The following PPP1R16B variants were observed in gnomAD, a reference collection of about 807,000 sequenced individuals.
PPP1R16B encodes the protein protein phosphatase 1 regulatory subunit 16B.
A neutral mutation model predicts 61.7 loss-of-function variants in PPP1R16B; 14 were observed. The ratio of observed to expected loss-of-function variants is 0.23; its 90% CI spans 0.15 to 0.35. The LOEUF is 0.35. Among genes scored for constraint, PPP1R16B ranks in the 10% least tolerant of loss-of-function variants. The pLI, the probability that PPP1R16B is intolerant of heterozygous loss-of-function variation, is 1.00. For missense variants in PPP1R16B, 547 were observed against 752.5 expected (o/e 0.73, Z 3.19); for synonymous variants, 266 against 305.3 (o/e 0.87, Z 1.34).
At chr20:38,915,910 G>C (rs1365283302) in intron 10 of PPP1R16B, among the ~76,000 whole-genome samples, 2 of 151,562 alleles carry the variant, frequency 1.3e-5, no homozygotes, top group African/African-American at 2.4e-5. Context: ...CAAATTGCAG[G>C]CCCCAACCCA....
At chr20:38,840,029 T>C (rs2084899703) in intron 2 of PPP1R16B, among the ~76,000 whole-genome samples, 1 of 152,242 alleles carries the variant, frequency 6.6e-6, no homozygotes, top group South Asian at 2.1e-4. Context: ...GGGGCCAGAA[T>C]ACTGTGCTCT....
At chr20:38,901,651 C>G in intron 5 of PPP1R16B, among the ~76,000 whole-genome samples, 1 of 152,208 alleles carries the variant, frequency 6.6e-6, no homozygotes, top group East Asian at 1.9e-4. Context: ...CTCAGGTGAT[C>G]TGCCTGCCTC....
chr20:38,905,951 T>C lies in PPP1R16B; in HGVS notation c.697-18T>C, dbSNP rs371749480. 2.5e-6 allele frequency: 4 copies of C among 1,610,478 alleles called. No individual in the cohort carries two copies. Among genetic ancestry groups the C allele is most frequent in the Non-Finnish European group, 2.5e-6 (3 of 1,178,568 alleles). The stretch of plus-strand genomic sequence containing the variant: ...GGCTGATCCCCTGAGGAATGCTCAC[T>C]TCTTTCCTCTCCTCCAGCTGCACAT... On this transcript the variant is annotated intron_variant, in intron 6 of 10. Transcript: ENST00000299824.
intron 1 of PPP1R16B, among the ~76,000 whole-genome samples, chr20:38,829,999 C>T (rs2084827333): frequency 1.3e-5 from 2 of 152,238 alleles, no homozygotes; most frequent in Admixed American, 6.5e-5. Context: ...ACATTGTTCT[C>T]ACCTTTCTCC....
intron 3 of PPP1R16B, among the ~76,000 whole-genome samples, chr20:38,895,164 A>C (rs2085324820): frequency 6.6e-6 from 1 of 152,184 alleles, no homozygotes; most frequent in Non-Finnish European, 1.5e-5. Flanking sequence ...ATCCTGTTTG[A>C]ATTTACTGGT....
At chr20:38,849,534 T>C (rs958606756) in intron 2 of PPP1R16B, among the ~76,000 whole-genome samples, 2 of 152,198 alleles carry the variant, frequency 1.3e-5, no homozygotes, top group Non-Finnish European at 2.9e-5. Flanking sequence ...TGCTTTTGCC[T>C]GTTAGTATGA....
At chr20:38,826,719 G>A (rs2084807432) in intron 1 of PPP1R16B, among the ~76,000 whole-genome samples, 1 of 152,166 alleles carries the variant, frequency 6.6e-6, no homozygotes, top group Non-Finnish European at 1.5e-5. Context: ...GTCCCAATAC[G>A]ATGCCAGCCC....
At chr20:38,823,780 C>T (rs1030743346) in intron 1 of PPP1R16B, among the ~76,000 whole-genome samples, 2 of 152,160 alleles carry the variant, frequency 1.3e-5, no homozygotes, top group African/African-American at 2.4e-5. Context: ...CTGCCCAAGG[C>T]TCCAAAAGTG....
Position 38,908,076 on chromosome 20 carries a change from G to C in PPP1R16B, c.1077G>C (p.Arg359Ser). The C allele has an allele frequency of 6.2e-7, 1 of 1,614,248 alleles. No homozygotes were observed. The highest frequency in any genetic ancestry group is 8.5e-7 in the Non-Finnish European group (1 of 1,180,038). The change falls in exon 10 of 11, where the codon AGG becomes AGC. Residue 359 changes from arginine to serine, a missense_variant. Physicochemically the swap from Arg to Ser is moderately radical, Grantham distance 110. Coordinates refer to ENST00000299824, the MANE Select transcript of PPP1R16B (RefSeq NM_015568.4). Reference sequence around the variant, plus strand: ...TGTCGGACAGGACCAACCTGTATAGGAAGGAGTATGAGGGAGAGGCCATCC... The same window carrying C: ...TGTCGGACAGGACCAACCTGTATAGCAAGGAGTATGAGGGAGAGGCCATCC... ...ASLSDRTNLY[R>S]KEYEGEAILW...
intron 1 of PPP1R16B, among the ~76,000 whole-genome samples, chr20:38,823,465 A>G (rs187240490): frequency 1.8e-4 from 28 of 152,274 alleles, no homozygotes; most frequent in African/African-American, 6.3e-4. Context: ...ACATGGTGAA[A>G]CCTTGTCTCT....
chr20:38,814,059 G>A (rs2084719642), intron 1 of PPP1R16B, among the ~76,000 whole-genome samples: 1 of 152,006 alleles, frequency 6.6e-6, no homozygotes, highest in East Asian at 1.9e-4. Context: ...GGCCTCCCAG[G>A]GTGTTGGGAT....
At chr20:38,901,729 C>A (rs187737032) in intron 5 of PPP1R16B, among the ~76,000 whole-genome samples, 1 of 152,228 alleles carries the variant, frequency 6.6e-6, no homozygotes, top group East Asian at 1.9e-4. Flanking sequence ...TTTTTAAATG[C>A]AGTTATAAAA....
intron 3 of PPP1R16B, 127 bp from the exon 4 acceptor site, chr20:38,895,438 A>T: frequency 9.0e-7 from 1 of 1,110,818 alleles, no homozygotes; most frequent in Non-Finnish European, 1.3e-6. Context: ...AACATCATGG[A>T]GCTGGATTCA....
chr20:38,808,172 C>G (rs1427232311), intron 1 of PPP1R16B, among the ~76,000 whole-genome samples: 1 of 152,166 alleles, frequency 6.6e-6, no homozygotes, highest in Non-Finnish European at 1.5e-5. Flanking sequence ...TCCTCACAAC[C>G]CCGTGAAGTA....
chr20:38,814,575 A>AT (rs1193848128), intron 1 of PPP1R16B, among the ~76,000 whole-genome samples: 2 of 152,176 alleles, frequency 1.3e-5, no homozygotes, highest in African/African-American at 2.4e-5. Flanking sequence ...AACTATTCTT[A>AT]TGGCATTATT....
At chr20:38,821,023 AG>A (rs1376076267) in intron 1 of PPP1R16B, among the ~76,000 whole-genome samples, 1 of 141,948 alleles carries the variant, frequency 7.0e-6, no homozygotes, top group East Asian at 2.0e-4. Context: ...CCTGGGTGAC[AG>A]AGCAAGACTC....
chr20:38,812,275 G>T (rs6071578), intron 1 of PPP1R16B, among the ~76,000 whole-genome samples: 100,859 of 152,040 alleles, frequency 0.66, 33,751 homozygotes, highest in African/African-American at 0.73. Flanking sequence ...GTAGGCTGGG[G>T]CAGAGGAGCA....
chr20:38,895,150 A>G (rs899451164), intron 3 of PPP1R16B, among the ~76,000 whole-genome samples: 3 of 152,096 alleles, frequency 2.0e-5, no homozygotes, highest in African/African-American at 7.2e-5. Context: ...CCTCAACCCA[A>G]CCAATCCTGT....
At chr20:38,834,252 C>T (rs1204428706) in intron 1 of PPP1R16B, among the ~76,000 whole-genome samples, 6 of 152,188 alleles carry the variant, frequency 3.9e-5, no homozygotes, top group Non-Finnish European at 7.3e-5. Flanking sequence ...CTCAAGCTGT[C>T]GTCCCACCCT....
Sources: allele counts gnomAD v4.1 joint callset (sites outside exome capture counted in the v4.1 genomes callset), GRCh38; gene constraint gnomAD v4.1.1; transcripts MANE v1.5; gene names NCBI Gene and HGNC (gene_info 2026-07-23, HGNC 2026-07-21).